ADAM18: variants seen among roughly 807,000 people sequenced by gnomAD.
The protein encoded by ADAM18 is ADAM metallopeptidase domain 18.
A neutral mutation model predicts 94.4 loss-of-function variants in ADAM18; 117 were observed. The ratio of observed to expected loss-of-function variants is 1.24; its 90% CI spans 1.07 to 1.45. The LOEUF is 1.45. ADAM18 is among the 40% of genes most tolerant of loss of function. The pLI, the probability that ADAM18 is intolerant of heterozygous loss-of-function variation, is 0.00. For missense variants in ADAM18, 936 were observed against 880.0 expected (o/e 1.06, Z -0.81); for synonymous variants, 327 against 291.6 (o/e 1.12, Z -1.24).
At chr8:39,697,858 C>G (rs923625915) in intron 17 of ADAM18, among the ~76,000 whole-genome samples, 3 of 151,694 alleles carry the variant, frequency 2.0e-5, no homozygotes, top group Non-Finnish European at 4.4e-5. Flanking sequence ...TTGAGGAACA[C>G]CTGCTTTTAA....
intron 2 of ADAM18, among the ~76,000 whole-genome samples, chr8:39,597,150 T>A (rs1184353193): frequency 6.6e-6 from 1 of 152,142 alleles, no homozygotes; most frequent in Non-Finnish European, 1.5e-5. Context: ...TATTGTTGAG[T>A]TTTAGGAGTT....
chr8:39,610,415 A>C, intron 5 of ADAM18, 114 bp from the exon 6 acceptor site: 1 of 1,259,032 alleles, frequency 7.9e-7, no homozygotes, highest in Non-Finnish European at 1.0e-6. Flanking sequence ...AATGGGCTTA[A>C]AATGTGTTCT....
chr8:39,675,726 GC>G (rs764057530), intron 14 of ADAM18, among the ~76,000 whole-genome samples: 5 of 152,194 alleles, frequency 3.3e-5, no homozygotes, highest in Non-Finnish European at 5.9e-5. Flanking sequence ...AGAATTTTCA[GC>G]TTTTCTGCTC....
At chr8:39,728,868 A>G (rs971527924) in intron 19 of ADAM18, among the ~76,000 whole-genome samples, 1 of 152,184 alleles carries the variant, frequency 6.6e-6, no homozygotes, top group South Asian at 2.1e-4. Flanking sequence ...CCATAGAAGG[A>G]CAACTTAAGC....
intron 18 of ADAM18, among the ~76,000 whole-genome samples, chr8:39,717,775 A>G (rs546405850): frequency 6.6e-6 from 1 of 151,662 alleles, no homozygotes; most frequent in South Asian, 2.1e-4. Context: ...AGTGAAACCT[A>G]TTGAGTGGGA....
Position 39,644,163 on chromosome 8 carries a change from G to A in ADAM18, c.910-1175G>A, listed in dbSNP as rs7820462. 2.6e-5 allele frequency among the ~76,000 whole-genome samples: 4 copies of A among 151,748 alleles called. No homozygotes were observed. In the South Asian group the frequency reaches 8.3e-4, roughly 32 times the overall value. ...AAATTAGACATGTTCTCAGATTTTT[G>A]TTTGTAATGATTAAAGAGCTAAGAA... is the stretch of plus-strand genomic sequence containing the variant. On this transcript the variant is annotated intron_variant, in intron 10 of 19. Coordinates refer to ENST00000265707, the MANE Select transcript of ADAM18 (RefSeq NM_014237.3).
intron 2 of ADAM18, among the ~76,000 whole-genome samples, chr8:39,600,260 AATT>A (rs1377497320): frequency 6.6e-6 from 1 of 152,182 alleles, no homozygotes; most frequent in Non-Finnish European, 1.5e-5. Context: ...ATTTGTTTAA[AATT>A]ATTTCTAAAT....
chr8:39,594,906 C>T (rs1240647832), intron 2 of ADAM18, among the ~76,000 whole-genome samples: 3 of 147,926 alleles, frequency 2.0e-5, no homozygotes, highest in African/African-American at 7.5e-5. Context: ...TTTTCACCCG[C>T]TATTTCTTGT....
At chr8:39,676,836 A>G (rs1447929901) in intron 14 of ADAM18, among the ~76,000 whole-genome samples, 1 of 152,244 alleles carries the variant, frequency 6.6e-6, no homozygotes, top group Non-Finnish European at 1.5e-5. Flanking sequence ...TTACATTCAC[A>G]TAGAGTGGAT....
At chr8:39,718,825 A>G (rs2129581692) in intron 18 of ADAM18, among the ~76,000 whole-genome samples, 1 of 151,642 alleles carries the variant, frequency 6.6e-6, no homozygotes, top group South Asian at 2.1e-4. Context: ...CCAAGTCATT[A>G]CTGAGATAAA....
chr8:39,662,931 T>G (rs1372168866), intron 12 of ADAM18, among the ~76,000 whole-genome samples: 1 of 152,196 alleles, frequency 6.6e-6, no homozygotes, highest in African/African-American at 2.4e-5. Flanking sequence ...AGCCCCTATT[T>G]GAATAATAAT....
At chr8:39,722,217 GTATATATATATATATATATATATATATA>G (rs61542840) in intron 18 of ADAM18, among the ~76,000 whole-genome samples, 5 of 91,576 alleles carry the variant, frequency 5.5e-5, no homozygotes, top group Non-Finnish European at 7.8e-5. Context: ...GTGTGTGTGT[GTATATATATATATATATATATATATATA>G]TATATATATA....
intron 10 of ADAM18, among the ~76,000 whole-genome samples, chr8:39,641,438 G>A (rs555013155): frequency 2.3e-4 from 35 of 151,820 alleles, no homozygotes; most frequent in Non-Finnish European, 4.7e-4. Context: ...CAACATCCAG[G>A]TATTAAGCCT....
chr8:39,624,914 A>G (rs1373065924), intron 6 of ADAM18, among the ~76,000 whole-genome samples: 1 of 152,216 alleles, frequency 6.6e-6, no homozygotes. Flanking sequence ...CTTCCTGTAC[A>G]GCCTGTGGAA....
At chr8:39,709,737 A>G (rs934674190) in intron 18 of ADAM18, among the ~76,000 whole-genome samples, 1 of 152,234 alleles carries the variant, frequency 6.6e-6, no homozygotes, top group African/African-American at 2.4e-5. Context: ...GTCTTAATGA[A>G]TGAAAATTAC....
intron 16 of ADAM18, among the ~76,000 whole-genome samples, chr8:39,691,833 T>C (rs986508427): frequency 5.3e-5 from 8 of 151,964 alleles, no homozygotes; most frequent in African/African-American, 1.9e-4. Context: ...CATCTGATAT[T>C]TGCTGAATAT....
At chr8:39,673,364 A>G (rs1821208364) in intron 14 of ADAM18, among the ~76,000 whole-genome samples, 2 of 152,158 alleles carry the variant, frequency 1.3e-5, no homozygotes, top group Admixed American at 6.5e-5. Flanking sequence ...ACATGTGCAC[A>G]ACGTGCAGGT....
At chr8:39,695,263 A>G (rs567369831) in intron 17 of ADAM18, among the ~76,000 whole-genome samples, 6 of 151,664 alleles carry the variant, frequency 4.0e-5, no homozygotes, top group African/African-American at 1.4e-4. Flanking sequence ...GAGCACAATT[A>G]CTGAGTCATA....
chr8:39,721,975 T>C (rs1822762727), intron 18 of ADAM18, among the ~76,000 whole-genome samples: 1 of 151,032 alleles, frequency 6.6e-6, no homozygotes, highest in South Asian at 2.1e-4. Flanking sequence ...AACAAAGTTA[T>C]GGAATCAACC....
Sources: gnomAD v4.1 joint callset for allele counts (sites outside exome capture counted in the v4.1 genomes callset) on GRCh38, gnomAD v4.1.1 for gene constraint, MANE v1.5 for transcripts, NCBI Gene and HGNC (gene_info 2026-07-23, HGNC 2026-07-21) for gene names.